Variants in PLD5 observed in about 807,000 individuals in gnomAD.
PLD5 encodes inactive phospholipase D5.
A neutral mutation model predicts 61.1 loss-of-function variants in PLD5; 36 were observed. The observed-to-expected ratio is 0.59, with a 90% CI of 0.45 to 0.78. PLD5 has a LOEUF of 0.78. Ranked by LOEUF, PLD5 falls within the 30% of genes least tolerant of loss-of-function variation. PLD5 has a pLI of 0.00. For synonymous variants in PLD5, 243 were observed against 242.8 expected, an observed-to-expected ratio of 1.00 and a Z score of -0.01; for missense variants, 515 against 644.4, an observed-to-expected ratio of 0.80 and a Z score of 2.17.
At chr1:242,228,433 A>G (rs1057065392) in intron 4 of PLD5, among the ~76,000 whole-genome samples, 1 of 152,198 alleles carries the variant, frequency 6.6e-6, no homozygotes, top group African/African-American at 2.4e-5. Context: ...ATGTGAAAAC[A>G]TGTAGTCTCT....
chr1:242,213,541 A>C (rs1669959748), intron 5 of PLD5, among the ~76,000 whole-genome samples: 2 of 152,080 alleles, frequency 1.3e-5, no homozygotes, highest in Non-Finnish European at 2.9e-5. Flanking sequence ...AAAAGGTTAA[A>C]TACTAGCAAC....
At chr1:242,305,036 G>T (rs1342862848) in intron 2 of PLD5, among the ~76,000 whole-genome samples, 1 of 152,160 alleles carries the variant, frequency 6.6e-6, no homozygotes. Flanking sequence ...AACTCGGGAG[G>T]CAGAGGTTGC....
chr1:242,408,991 C>G (rs1476943357), intron 1 of PLD5, among the ~76,000 whole-genome samples: 1 of 151,860 alleles, frequency 6.6e-6, no homozygotes, highest in African/African-American at 2.4e-5. Flanking sequence ...CACTTGAACC[C>G]AGGAGGCGAA....
intron 2 of PLD5, among the ~76,000 whole-genome samples, chr1:242,298,706 A>C (rs6429346): frequency 0.89 from 134,848 of 152,062 alleles, 59,941 homozygotes; most frequent in East Asian, 0.94. Flanking sequence ...TGCAAGTGGC[A>C]GCTCTCTTAC....
intron 9 of PLD5, among the ~76,000 whole-genome samples, chr1:242,097,543 GTCT>G (rs1472360851): frequency 2.0e-5 from 3 of 152,154 alleles, no homozygotes; most frequent in Admixed American, 6.5e-5. Context: ...CTGCATAAAC[GTCT>G]TCTTTTGAGA....
chr1:242,397,068 A>G (rs935570109), intron 1 of PLD5, among the ~76,000 whole-genome samples: 1 of 152,058 alleles, frequency 6.6e-6, no homozygotes, highest in Admixed American at 6.6e-5. Flanking sequence ...GAGTGTCCCA[A>G]GAATCAGCCT....
At chr1:242,527,626 A>C (rs1430432578), upstream of PLD5, among the ~76,000 whole-genome samples, 1 of 152,176 alleles carries the variant, frequency 6.6e-6, no homozygotes, top group Admixed American at 6.5e-5. Context: ...GTTCAAATAA[A>C]CCTGGGCGCA....
chr1:242,147,218 TG>T (rs1199094903), intron 5 of PLD5, among the ~76,000 whole-genome samples: 1 of 152,180 alleles, frequency 6.6e-6, no homozygotes, highest in African/African-American at 2.4e-5. Context: ...TTTTTCTTCC[TG>T]TAGTTTGGCT....
At chr1:242,449,724 T>G (rs1666704140) in intron 1 of PLD5, among the ~76,000 whole-genome samples, 1 of 152,206 alleles carries the variant, frequency 6.6e-6, no homozygotes, top group Non-Finnish European at 1.5e-5. Flanking sequence ...AATGAAATGA[T>G]AGCAAGATCT....
At chr1:242,214,692 T>TC (rs1432214954) in intron 5 of PLD5, among the ~76,000 whole-genome samples, 1 of 151,996 alleles carries the variant, frequency 6.6e-6, no homozygotes, top group Non-Finnish European at 1.5e-5. Flanking sequence ...CACAGGCACG[T>TC]CCCCTCCTTC....
At chr1:242,490,483 T>G (rs1463547883) in intron 1 of PLD5, among the ~76,000 whole-genome samples, 1 of 152,220 alleles carries the variant, frequency 6.6e-6, no homozygotes, top group Non-Finnish European at 1.5e-5. Context: ...GATTACTAAT[T>G]TTTGGCCCTC....
chr1:242,514,019 T>C (rs72765078), intron 1 of PLD5, among the ~76,000 whole-genome samples: 3,424 of 152,334 alleles, frequency 0.022, 54 homozygotes, highest in Middle Eastern at 0.048. Context: ...AAAAAGATGC[T>C]ACACTGGTCT....
In PLD5 at chr1:242,088,723, A is replaced by C. The variant is rs1659593182; in HGVS notation, c.*1131T>G. 6.6e-6 allele frequency: 1 copy of C among 152,246 alleles called. No individual in the cohort carries two copies. Among genetic ancestry groups the C allele is most frequent in the Non-Finnish European group, 1.5e-5 (1 of 68,050 alleles). 9.4% of individuals were successfully genotyped at this position (152,246 alleles called of 1,614,324 possible). ...GGTATATATTGTATAGATATAAAAC[A>C]ACAACACACAATTACGTTATAGAAC... On this transcript the variant is annotated 3_prime_UTR_variant, in exon 10 of 10. Coordinates refer to ENST00000536534, the MANE Select transcript of PLD5 (RefSeq NM_001372062.1).
intron 1 of PLD5, among the ~76,000 whole-genome samples, chr1:242,446,382 C>G (rs1214666219): frequency 6.6e-6 from 1 of 152,022 alleles, no homozygotes; most frequent in Non-Finnish European, 1.5e-5. Flanking sequence ...CCAATCTGAC[C>G]AACATGGTAA....
At chr1:242,139,866 C>T (rs890491385) in intron 5 of PLD5, among the ~76,000 whole-genome samples, 2 of 152,160 alleles carry the variant, frequency 1.3e-5, no homozygotes, top group African/African-American at 2.4e-5. Flanking sequence ...CTCTGCTTGC[C>T]GCTTGGCCAG....
intron 2 of PLD5, among the ~76,000 whole-genome samples, chr1:242,307,861 C>T (rs1400561525): frequency 1.3e-5 from 2 of 152,078 alleles, no homozygotes; most frequent in African/African-American, 4.8e-5. Context: ...ATTAAGTCAC[C>T]AAATCTAGCT....
chr1:242,238,208 C>T (rs542187639), intron 4 of PLD5, among the ~76,000 whole-genome samples: 3 of 152,236 alleles, frequency 2.0e-5, no homozygotes, highest in South Asian at 4.2e-4. Flanking sequence ...TAGGCATGTC[C>T]AGGTATGCTT....
intron 4 of PLD5, among the ~76,000 whole-genome samples, chr1:242,248,966 G>A (rs1672547428): frequency 6.6e-6 from 1 of 152,076 alleles, no homozygotes; most frequent in Non-Finnish European, 1.5e-5. Context: ...TGGCCAACAT[G>A]GTGAAACCTC....
At chr1:242,244,845 C>A (rs1052476591) in intron 4 of PLD5, among the ~76,000 whole-genome samples, 3 of 152,216 alleles carry the variant, frequency 2.0e-5, no homozygotes, top group African/African-American at 7.2e-5. Context: ...GACTCAGTAA[C>A]AACCAATCAG....
Sources: gnomAD v4.1 joint callset for allele counts (sites outside exome capture counted in the v4.1 genomes callset) on GRCh38, gnomAD v4.1.1 for gene constraint, MANE v1.5 for transcripts, NCBI Gene and HGNC (gene_info 2026-07-23, HGNC 2026-07-21) for gene names.